Variants in ADGRG6 observed in about 807,000 individuals in gnomAD.
ADGRG6 encodes the protein G-protein coupled receptor 126.
In ADGRG6, 84 loss-of-function variants were observed where a neutral mutation model predicts 142.4. The ratio of observed to expected loss-of-function variants is 0.59; its 90% CI spans 0.49 to 0.71. The LOEUF is 0.71. Among genes scored for constraint, ADGRG6 ranks in the 30% least tolerant of loss-of-function variants. The probability of loss-of-function intolerance (pLI) is 0.00; values close to 1 mark genes in which losing one functional copy is unlikely to be tolerated. For synonymous variants in ADGRG6, 521 were observed against 520.5 expected (o/e 1.00, Z -0.01); for missense variants, 1,367 against 1,466.6 (o/e 0.93, Z 1.11).
At chr6:142,348,665 A>G (rs2114761073) in intron 2 of ADGRG6, among the ~76,000 whole-genome samples, 1 of 151,900 alleles carries the variant, frequency 6.6e-6, no homozygotes, top group East Asian at 1.9e-4. Flanking sequence ...CATAGAAAAG[A>G]AGGAACTGGT....
chr6:142,443,036 T>C (rs954469199), intron 24 of ADGRG6, among the ~76,000 whole-genome samples: 1 of 152,168 alleles, frequency 6.6e-6, no homozygotes, highest in Non-Finnish European at 1.5e-5. Context: ...TAGTGCATGT[T>C]TTTTTGAAGT....
intron 2 of ADGRG6, among the ~76,000 whole-genome samples, chr6:142,330,351 A>C (rs1778989699): frequency 6.6e-6 from 1 of 152,208 alleles, no homozygotes; most frequent in African/African-American, 2.4e-5. Flanking sequence ...GTTAAAAAAA[A>C]ATGAAATAAA....
At position 142,406,786 on chromosome 6, in the gene ADGRG6, A is replaced by G. The variant is rs568362471; in HGVS notation, c.2268+958A>G. Among the ~76,000 whole-genome samples the G allele has an allele frequency of 1.1e-4, 16 of 152,334 alleles. No homozygotes were observed. The South Asian group carries it at 3.3e-3, about 32-fold the overall frequency. On this transcript the variant is annotated intron_variant, in intron 15 of 24. Coordinates refer to ENST00000367609, the MANE Select transcript of ADGRG6 (RefSeq NM_198569.3). ...CCTGAAAGATTTAATAGCTATAAAC[A>G]TGTACAACTGCAGTTTTAAAAATTA...
rs1776335611 is a variant in ADGRG6 at position 142,415,974 on chromosome 6, C to T, written c.2848C>T (p.Leu950=). The T allele has an allele frequency of 6.2e-7, 1 of 1,612,204 alleles. No homozygotes were observed. Among genetic ancestry groups the T allele is most frequent in the African/African-American group, 1.3e-5 (1 of 74,840 alleles). ...TCTGGCAACCTTTACCTGGATGGGG[C>T]TAGAAGCAATTCACATGTACATTGC... ...FLLATFTWMG[L]EAIHMYIALV... is the part of the protein sequence containing the mutation. Residue 950 remains leucine (L), a synonymous_variant, in exon 20 of 25, where the codon CTA becomes TTA. Coordinates refer to ENST00000367609, the MANE Select transcript of ADGRG6 (RefSeq NM_198569.3).
At chr6:142,412,949 C>T (rs1776159904) in intron 18 of ADGRG6, among the ~76,000 whole-genome samples, 1 of 151,552 alleles carries the variant, frequency 6.6e-6, no homozygotes, top group Non-Finnish European at 1.5e-5. Context: ...ATGGCCAGTT[C>T]CTTCATATAT....
At chr6:142,359,044 T>TAA (rs35958800) in intron 2 of ADGRG6, among the ~76,000 whole-genome samples, 2 of 139,966 alleles carry the variant, frequency 1.4e-5, no homozygotes, top group East Asian at 2.1e-4. Flanking sequence ...CCTCTACAAT[T>TAA]AAAAAAAAAA....
chr6:142,418,460 T>G (rs1227591254), intron 21 of ADGRG6, among the ~76,000 whole-genome samples: 1 of 152,100 alleles, frequency 6.6e-6, no homozygotes, highest in Non-Finnish European at 1.5e-5. Flanking sequence ...TTCCAGAATT[T>G]TAGAAGAACT....
intron 4 of ADGRG6, among the ~76,000 whole-genome samples, chr6:142,381,102 G>A (rs994253427): frequency 4.6e-5 from 7 of 152,216 alleles, no homozygotes; most frequent in South Asian, 2.1e-4. Context: ...TATGCATACC[G>A]TTTACCTAGT....
At chr6:142,338,006 C>CTTTTT (rs1562320880) in intron 2 of ADGRG6, among the ~76,000 whole-genome samples, 3 of 68,138 alleles carry the variant, frequency 4.4e-5, no homozygotes, top group African/African-American at 1.4e-4. Context: ...CTTTTTATGC[C>CTTTTT]TTGTATCTTT....
chr6:142,392,488 A>AAAAT (rs1421783132), intron 7 of ADGRG6, among the ~76,000 whole-genome samples: 1 of 151,886 alleles, frequency 6.6e-6, no homozygotes, highest in Non-Finnish European at 1.5e-5. Context: ...AATTACTAGA[A>AAAAT]AAATGTTTAG....
At chr6:142,316,901 C>T (rs545552310) in intron 2 of ADGRG6, among the ~76,000 whole-genome samples, 1 of 152,026 alleles carries the variant, frequency 6.6e-6, no homozygotes, top group Non-Finnish European at 1.5e-5. Flanking sequence ...AGATTGTGTA[C>T]ACCAGTTGTC....
rs1353834463 is a variant in ADGRG6 at position 142,367,736 on chromosome 6, G to T, written c.271G>T (p.Ala91Ser). 1 of 1,613,896 alleles carries T rather than the reference G, an allele frequency of 6.2e-7. No individual in the cohort carries two copies. The highest frequency in any genetic ancestry group is 8.5e-7 in the Non-Finnish European group (1 of 1,179,850). The change falls in exon 3 of 25, where the codon GCT (alanine) becomes TCT (serine). Residue 91 changes from alanine to serine, a missense_variant. Ala to Ser is a moderately conservative substitution (Grantham distance 99, BLOSUM62 1). Transcript: ENST00000367609. ...ITFNDFDIEE[A>S]PNCIYDSLSL... The stretch of plus-strand genomic sequence containing the variant: ...ATTTAACGACTTTGACATTGAAGAA[G>T]CTCCCAATTGCATTTATGACTCATT...
At chr6:142,323,611 G>A (rs145804551) in intron 2 of ADGRG6, among the ~76,000 whole-genome samples, 1,728 of 152,130 alleles carry the variant, frequency 0.011, 12 homozygotes, top group Middle Eastern at 0.078. Context: ...AGGTGATTTC[G>A]TCACTGTGCA....
intron 11 of ADGRG6, 148 bp from the exon 12 acceptor site, chr6:142,401,846 G>A (rs1775543813): frequency 7.5e-6 from 4 of 536,368 alleles, no homozygotes; most frequent in Non-Finnish European, 1.3e-5. Context: ...GAATTAAAAT[G>A]GAAAGAGTGA....
chr6:142,405,278 C>A (rs1367804280), intron 14 of ADGRG6: 3 of 451,398 alleles, frequency 6.6e-6, no homozygotes, highest in Non-Finnish European at 1.3e-5. Flanking sequence ...TTAATGCAGT[C>A]TGAAATCAAC....
rs535760216 is a variant in ADGRG6 at position 142,443,269 on chromosome 6, CA to C, written c.3575-66del. 3,797 of 975,504 alleles carry C rather than the reference CA, an allele frequency of 3.9e-3. 11 individuals are homozygous for C. The highest frequency in any genetic ancestry group is 4.6e-3 in the Non-Finnish European group (2,956 of 637,834). 60.4% of individuals were successfully genotyped at this position (975,504 alleles called of 1,614,324 possible). A position where few individuals can be genotyped will look rare whatever the true frequency, so the allele number is the denominator to read the frequency against. ...TCTTTAATGTGCAAAACGGAGTATA[CA>C]ATATGGTGGCCTGTAGGCATGCCAC... On this transcript the variant is annotated intron_variant, in intron 24 of 24. Transcript: ENST00000367609.
rs1031236145 is a variant in ADGRG6 at position 142,437,365 on chromosome 6, G to A, written c.3320-69G>A. 6.8e-6 allele frequency: 5 copies of A among 735,680 alleles called. No homozygotes were observed. The African/African-American group carries it at 8.9e-5, about 13-fold the overall frequency. 45.6% of individuals were successfully genotyped at this position (735,680 alleles called of 1,614,324 possible). On this transcript the variant is annotated intron_variant, in intron 22 of 24. Transcript: ENST00000367609. ...AAATTTAAAATTAAAATGAATCCATGTATTTTATAAGATTTCTCTTTAAAG... is the reference window on the plus strand; with the variant it reads ...AAATTTAAAATTAAAATGAATCCATATATTTTATAAGATTTCTCTTTAAAG...
intron 2 of ADGRG6, among the ~76,000 whole-genome samples, chr6:142,354,014 G>A (rs557906620): frequency 6.6e-6 from 1 of 152,336 alleles, no homozygotes; most frequent in East Asian, 1.9e-4. Context: ...GAGAGCAGCT[G>A]TAAAGATGTT....
intron 4 of ADGRG6, among the ~76,000 whole-genome samples, chr6:142,379,651 C>T (rs1162413842): frequency 2.0e-5 from 3 of 152,122 alleles, no homozygotes; most frequent in Non-Finnish European, 4.4e-5. Flanking sequence ...CCTGTAGTCC[C>T]AGCTACTCGG....
Sources: gnomAD v4.1 joint callset for allele counts (sites outside exome capture counted in the v4.1 genomes callset) on GRCh38, gnomAD v4.1.1 for gene constraint, MANE v1.5 for transcripts, NCBI Gene and HGNC (gene_info 2026-07-23, HGNC 2026-07-21) for gene names.